Variants in CSNK1G2 observed in about 807,000 individuals in gnomAD.
CSNK1G2 encodes casein kinase I isoform gamma-2.
CSNK1G2 carries 11 observed loss-of-function variants against 48.0 expected under a neutral mutation model. The observed-to-expected ratio is 0.23, with a 90% CI of 0.14 to 0.38. The LOEUF is 0.38. CSNK1G2 is among the 10% of genes least tolerant of loss of function. The pLI is 1.00. For missense variants in CSNK1G2, 446 were observed against 595.5 expected (o/e 0.75, Z 2.61); for synonymous variants, 337 against 254.1 (o/e 1.33, Z -3.10).
Position 1,978,803 on chromosome 19 carries a change from AG to A in CSNK1G2, c.448-52del, listed in dbSNP as rs2015857789. On this transcript the variant is annotated intron_variant, in intron 5 of 11. Transcript: ENST00000255641. This position sits in a 1 kb window ranked among gnomAD's most constrained non-coding sequence, Gnocchi z 7.3. ...CTCGGAGGGAAGAGGGTGGCCCTGGAGGGGAGCGCGTGGGACGGGGAGGGGC... is the reference window on the plus strand; with the variant it reads ...CTCGGAGGGAAGAGGGTGGCCCTGGAGGGAGCGCGTGGGACGGGGAGGGGC... 2 of 1,566,768 alleles carry A rather than the reference AG, an allele frequency of 1.3e-6. No homozygotes were observed. Among genetic ancestry groups the A allele is most frequent in the East Asian group, 4.6e-5 (2 of 43,158 alleles).
chr19:1,969,675 T>C lies in CSNK1G2; in HGVS notation c.-98T>C, dbSNP rs2015498352. 1.9e-6 allele frequency: 2 copies of C among 1,072,324 alleles called. No individual in the cohort carries two copies. Among genetic ancestry groups the C allele is most frequent in the Non-Finnish European group, 2.4e-6 (2 of 830,160 alleles). The allele number at this position is 1,072,324 out of a possible 1,614,324, so 66.4% of individuals were successfully genotyped here. ...CACGCCCGCCCACCGGCCGCAGTGA[T>C]GTTCTAGCCACAGAGGAGCCAAGAC... On this transcript the variant is annotated 5_prime_UTR_variant, in exon 2 of 12. The change abolishes an upstream ATG in the 5' untranslated region. Coordinates refer to ENST00000255641, the MANE Select transcript of CSNK1G2 (RefSeq NM_001319.7).
intron 2 of CSNK1G2, among the ~76,000 whole-genome samples, chr19:1,971,534 T>A (rs2015569646): frequency 6.6e-6 from 1 of 152,334 alleles, no homozygotes; most frequent in Middle Eastern, 3.4e-3. Context: ...CAAATGCACA[T>A]GTGCACACTA....
chr19:1,949,202 C>T (rs1036328995), intron 1 of CSNK1G2, among the ~76,000 whole-genome samples: 8 of 152,356 alleles, frequency 5.3e-5, no homozygotes, highest in African/African-American at 7.2e-5. Flanking sequence ...TCATCACCTG[C>T]AAAGGGAGCC....
chr19:1,963,932 T>C (rs1224996734), intron 1 of CSNK1G2, among the ~76,000 whole-genome samples: 2 of 150,690 alleles, frequency 1.3e-5, no homozygotes, highest in Admixed American at 6.6e-5. Flanking sequence ...TTCTCCTGCC[T>C]CAGCCTCCTG....
chr19:1,952,150 T>TCA (rs1328392349), intron 1 of CSNK1G2, among the ~76,000 whole-genome samples: 1 of 152,140 alleles, frequency 6.6e-6, no homozygotes, highest in African/African-American at 2.4e-5. Flanking sequence ...AAAGGGGTCG[T>TCA]GATGGTCACT....
chr19:1,978,048 GT>G lies in CSNK1G2; in HGVS notation c.188-256del, dbSNP rs1200495479. On this transcript the variant is annotated intron_variant, in intron 2 of 11. Transcript: ENST00000255641. This position sits in a 1 kb window ranked among gnomAD's most constrained non-coding sequence, Gnocchi z 7.3. ...GCCGCTTCTGTCCTGGGCTAGGGAGGTGGGGGGGCGGGGGAGGAGGAGTGGC... is the reference window on the plus strand; with the variant it reads ...GCCGCTTCTGTCCTGGGCTAGGGAGGGGGGGGGCGGGGGAGGAGGAGTGGC... Among the ~76,000 whole-genome samples, 4 of 152,062 alleles carry G rather than the reference GT, an allele frequency of 2.6e-5. No homozygotes were observed. The highest frequency in any genetic ancestry group is 5.9e-5 in the Non-Finnish European group (4 of 68,004).
At chr19:1,979,889 G>A (rs780246445) in intron 10 of CSNK1G2, 22 bp from the exon 11 acceptor site, 3 of 1,606,692 alleles carry the variant, frequency 1.9e-6, no homozygotes, top group Middle Eastern at 1.7e-4. Context: ...CGGCCAGCGT[G>A]ACCCCCTACT....
rs531693342 is a variant in CSNK1G2, at chr19:1,969,500, C to T, written c.-265-8C>T. ...CCGGTGCTCACCTGTGCCTCTGTTT[C>T]TCTGCAGCTGTGAGCCGTGAGCTTT... On this transcript the variant is annotated splice_region_variant and splice_polypyrimidine_tract_variant and intron_variant, in intron 1 of 11. Coordinates refer to ENST00000255641, the MANE Select transcript of CSNK1G2 (RefSeq NM_001319.7). 125 of 286,064 alleles carry T rather than the reference C, an allele frequency of 4.4e-4. No homozygotes were observed. Among genetic ancestry groups the T allele is most frequent in the African/African-American group, 2.6e-3 (121 of 46,056 alleles). The allele number at this position is 286,064 out of a possible 1,614,324, so 17.7% of individuals were successfully genotyped here. A position where few individuals can be genotyped will look rare whatever the true frequency, so the allele number is the denominator to read the frequency against.
At chr19:1,959,930 C>T (rs2015143004) in intron 1 of CSNK1G2, among the ~76,000 whole-genome samples, 1 of 151,756 alleles carries the variant, frequency 6.6e-6, no homozygotes, top group South Asian at 2.1e-4. Context: ...TCCCTGGCTA[C>T]ACATTGTGGC....
intron 2 of CSNK1G2, among the ~76,000 whole-genome samples, chr19:1,971,580 C>T (rs1201940511): frequency 4.6e-5 from 7 of 152,232 alleles, no homozygotes; most frequent in Admixed American, 2.6e-4. Flanking sequence ...GCCACAACCA[C>T]GCATACACAG....
intron 1 of CSNK1G2, among the ~76,000 whole-genome samples, chr19:1,948,636 T>A (rs2014656929): frequency 6.6e-6 from 1 of 152,218 alleles, no homozygotes; most frequent in South Asian, 2.1e-4. Flanking sequence ...CCACTTTTTT[T>A]TGCTGGGAAC....
intron 1 of CSNK1G2, among the ~76,000 whole-genome samples, chr19:1,949,659 C>T (rs747727458): frequency 6.6e-6 from 1 of 152,262 alleles, no homozygotes; most frequent in Non-Finnish European, 1.5e-5. Flanking sequence ...GTCACAGGGC[C>T]ACTCCCGGTT....
In CSNK1G2 at chr19:1,979,025, C is replaced by G; in HGVS notation, c.614C>G (p.Pro205Arg). 6.3e-7 allele frequency: 1 copy of G among 1,598,312 alleles called. No homozygotes were observed. The highest frequency in any genetic ancestry group is 2.2e-5 in the East Asian group (1 of 44,798). Residue 205 changes from proline (P) to arginine (R), a missense_variant, in exon 6 of 12, where the codon CCG becomes CGG. Pro to Arg is a moderately radical substitution (Grantham distance 103). Around this residue, in one of 2 missense-constraint regions of CSNK1G2, gnomAD observed 258 missense variants for 415.9 expected, o/e 0.62. Coordinates refer to ENST00000255641, the MANE Select transcript of CSNK1G2 (RefSeq NM_001319.7). ...GACCCCGAGACCAAGAAGCACATCCCGTACCGCGAGCACAAGAGCCTGACG... is the reference window on the plus strand; with the variant it reads ...GACCCCGAGACCAAGAAGCACATCCGGTACCGCGAGCACAAGAGCCTGACG... ...YIDPETKKHI[P>R]YREHKSLTGT...
chr19:1,952,519 A>G (rs1247807997), intron 1 of CSNK1G2: 2 of 152,818 alleles, frequency 1.3e-5, no homozygotes, highest in Non-Finnish European at 2.9e-5. Context: ...GACCGGGGTT[A>G]CACCATGTTG....
At chr19:1,947,318 C>T (rs764486806) in intron 1 of CSNK1G2, among the ~76,000 whole-genome samples, 21 of 152,290 alleles carry the variant, frequency 1.4e-4, no homozygotes, top group African/African-American at 4.3e-4. Flanking sequence ...AGGTGGGACC[C>T]GCCCTCCTTA....
At chr19:1,955,172 C>T (rs188278798) in intron 1 of CSNK1G2, among the ~76,000 whole-genome samples, 207 of 152,258 alleles carry the variant, frequency 1.4e-3, no homozygotes, top group African/African-American at 4.7e-3. Flanking sequence ...GTGATCTGCG[C>T]CCTCGGAAGC....
chr19:1,969,188 AG>A (rs911995293), intron 1 of CSNK1G2, among the ~76,000 whole-genome samples: 1 of 151,936 alleles, frequency 6.6e-6, no homozygotes, highest in Non-Finnish European at 1.5e-5. Context: ...CGGGATTGGC[AG>A]TCATGCTCTC....
chr19:1,949,767 C>A (rs987451810), intron 1 of CSNK1G2, among the ~76,000 whole-genome samples: 7 of 152,224 alleles, frequency 4.6e-5, no homozygotes, highest in Non-Finnish European at 8.8e-5. Flanking sequence ...GACGACCACT[C>A]CCCTCTTCCG....
At chr19:1,943,982 G>C (rs2014462560) in intron 1 of CSNK1G2, among the ~76,000 whole-genome samples, 1 of 152,138 alleles carries the variant, frequency 6.6e-6, no homozygotes, top group South Asian at 2.1e-4. Flanking sequence ...GCAGTGGGCA[G>C]GCCAGCATGT....
Sources: allele counts gnomAD v4.1 joint callset (sites outside exome capture counted in the v4.1 genomes callset), GRCh38; gene constraint gnomAD v4.1.1; regional missense constraint gnomAD v4.1.1; non-coding constraint Gnocchi (gnomAD v3.1); transcripts MANE v1.5; gene names NCBI Gene and HGNC (gene_info 2026-07-23, HGNC 2026-07-21).